Variants in ARFGEF3 observed in about 807,000 individuals in gnomAD.
ARFGEF3 encodes the protein ARFGEF family member 3.
ARFGEF3 carries 96 observed loss-of-function variants against 221.7 expected under a neutral mutation model. The ratio of observed to expected loss-of-function variants is 0.43; its 90% confidence interval spans 0.37 to 0.51. The LOEUF is 0.51. Among genes scored for constraint, ARFGEF3 ranks in the 20% least tolerant of loss-of-function variants. The pLI is 0.00. For missense variants in ARFGEF3, 2,410 were observed against 2,789.9 expected (o/e 0.86, Z 3.07); for synonymous variants, 1,145 against 1,126.8 (o/e 1.02, Z -0.32).
chr6:138,171,497 A>G (rs1487776165), intron 2 of ARFGEF3, among the ~76,000 whole-genome samples: 1 of 152,228 alleles, frequency 6.6e-6, no homozygotes, highest in Non-Finnish European at 1.5e-5. Context: ...CCACAGCCAC[A>G]TGTAGCAGCC....
Position 138,280,001 on chromosome 6 carries a change from G to A in ARFGEF3, c.2298G>A (p.Lys766=), listed in dbSNP as rs535192632. The A allele has an allele frequency of 3.1e-6, 5 of 1,613,764 alleles. No individual in the cohort carries two copies. In the East Asian group the frequency reaches 8.9e-5, roughly 29 times the overall value. Residue 766 remains lysine, a splice_region_variant and synonymous_variant, in exon 14 of 34, where the codon AAG becomes AAA. Transcript: ENST00000251691. ...CTTCTCATGCGATCTCTCTGTAGAA[G>A]GACTTCATGAAGCAGGTGCAGACCA... The part of the protein sequence containing the change: ...KRPTLAPGVM[K]DFMKQVQTSG...
Position 138,253,907 on chromosome 6 carries a change from C to A in ARFGEF3, c.693C>A (p.Tyr231Ter). 2.5e-6 allele frequency: 4 copies of A among 1,591,508 alleles called. No individual in the cohort carries two copies. The highest frequency in any genetic ancestry group is 3.4e-6 in the Non-Finnish European group (4 of 1,168,980). ...ACAGCCAGCAGCTGCAGCTTCTCTA[C>A]CTGGAGTGCATCCTGTCTGTGCTCA... The part of the protein sequence containing the change: ...INDSQQLQLL[Y>*]LECILSVLSS... The change falls in exon 9 of 34, where the codon TAC (tyrosine) becomes TAA (stop). Residue 231 changes from tyrosine (Y) to a stop codon, truncating the protein, a stop_gained. Coordinates refer to ENST00000251691, the MANE Select transcript of ARFGEF3 (RefSeq NM_020340.5). LOFTEE classifies it high-confidence loss of function.
intron 2 of ARFGEF3, among the ~76,000 whole-genome samples, chr6:138,183,957 C>G (rs963974955): frequency 6.6e-6 from 1 of 152,198 alleles, no homozygotes; most frequent in Non-Finnish European, 1.5e-5. Context: ...CCCTTTGTAT[C>G]TCCCCCATAT....
chr6:138,339,911 T>C lies in ARFGEF3; in HGVS notation c.*3425T>C, dbSNP rs932392075. 1.3e-5 allele frequency: 2 copies of C among 152,198 alleles called. No homozygotes were observed. The highest frequency in any genetic ancestry group is 2.9e-5 in the Non-Finnish European group (2 of 68,028). 9.4% of individuals were successfully genotyped at this position (152,198 alleles called of 1,614,324 possible). On this transcript the variant is annotated 3_prime_UTR_variant, in exon 34 of 34. Coordinates refer to ENST00000251691, the MANE Select transcript of ARFGEF3 (RefSeq NM_020340.5). ...ACTGACCGATAAGAACCCAGGCAGA[T>C]GCTAACATACTTAACAGCTCGCATT...
intron 4 of ARFGEF3, among the ~76,000 whole-genome samples, chr6:138,227,114 T>C (rs1778099996): frequency 1.3e-5 from 2 of 152,114 alleles, no homozygotes; most frequent in Non-Finnish European, 2.9e-5. Flanking sequence ...TGGAAAGCCT[T>C]CCTTCCAACA....
At chr6:138,257,979 G>T (rs1778717088) in intron 10 of ARFGEF3, among the ~76,000 whole-genome samples, 1 of 152,194 alleles carries the variant, frequency 6.6e-6, no homozygotes, top group Non-Finnish European at 1.5e-5. Flanking sequence ...AAAATAGCTG[G>T]TTCAATTCTA....
intron 12 of ARFGEF3, among the ~76,000 whole-genome samples, chr6:138,271,526 A>G (rs1779003266): frequency 6.6e-6 from 1 of 152,204 alleles, no homozygotes; most frequent in Non-Finnish European, 1.5e-5. Flanking sequence ...ACTCATAACA[A>G]CCCCATAAAG....
At chr6:138,241,569 C>T (rs1778393619) in intron 6 of ARFGEF3, among the ~76,000 whole-genome samples, 2 of 152,206 alleles carry the variant, frequency 1.3e-5, no homozygotes, top group Non-Finnish European at 2.9e-5. Context: ...GGTGTGTCAG[C>T]AGCTCACACT....
chr6:138,323,709 A>G lies in ARFGEF3; in HGVS notation c.4805A>G (p.Glu1602Gly). ...ACAGCGGGCCCTGTGTTCACTGAGG[A>G]GATGTGGAGGCTTGCCTGCTGTGCC... is the stretch of plus-strand genomic sequence containing the variant. ...LVTAGPVFTE[E>G]MWRLACCALQ... The change falls in exon 30 of 34, where the codon GAG becomes GGG. Residue 1602 changes from glutamate to glycine, a missense_variant. Physicochemically the swap from Glu to Gly is moderately conservative, Grantham distance 98. Coordinates refer to ENST00000251691, the MANE Select transcript of ARFGEF3 (RefSeq NM_020340.5). The G allele has an allele frequency of 6.2e-7, 1 of 1,613,732 alleles. No individual in the cohort carries two copies. Among genetic ancestry groups the G allele is most frequent in the Non-Finnish European group, 8.5e-7 (1 of 1,179,824 alleles).
In ARFGEF3 at chr6:138,255,835, A is replaced by G. The variant is rs1778667922; in HGVS notation, c.1104+66A>G. 6.0e-6 allele frequency: 8 copies of G among 1,326,450 alleles called. No individual in the cohort carries two copies. The South Asian group carries it at 9.2e-5, about 15-fold the overall frequency. 82.2% of individuals were successfully genotyped at this position (1,326,450 alleles called of 1,614,324 possible). On this transcript the variant is annotated intron_variant, in intron 10 of 33. Coordinates refer to ENST00000251691, the MANE Select transcript of ARFGEF3 (RefSeq NM_020340.5). ...GCCTGACCAGCGTTTCGCATACAAGAAGCGCTCAGAAAAGGCTTGCCAATC... is the reference window on the plus strand; with the variant it reads ...GCCTGACCAGCGTTTCGCATACAAGGAGCGCTCAGAAAAGGCTTGCCAATC...
At chr6:138,180,961 A>T (rs1211822725) in intron 2 of ARFGEF3, among the ~76,000 whole-genome samples, 2 of 152,202 alleles carry the variant, frequency 1.3e-5, no homozygotes, top group African/African-American at 4.8e-5. Flanking sequence ...GCCATAGAAG[A>T]CAAAGAATAT....
intron 22 of ARFGEF3, among the ~76,000 whole-genome samples, chr6:138,299,485 T>C (rs1315186949): frequency 2.0e-5 from 3 of 152,162 alleles, no homozygotes; most frequent in South Asian, 2.1e-4. Context: ...TTTCACACGA[T>C]GGTGGGCTAG....
At chr6:138,242,051 G>A (rs1778402394) in intron 6 of ARFGEF3, among the ~76,000 whole-genome samples, 1 of 152,220 alleles carries the variant, frequency 6.6e-6, no homozygotes, top group Non-Finnish European at 1.5e-5. Context: ...TGTAGATACT[G>A]ACATAACATT....
Position 138,162,012 on chromosome 6 carries a change from A to C in ARFGEF3, c.-75A>C. The C allele has an allele frequency of 2.8e-6, 3 of 1,082,868 alleles. No individual in the cohort carries two copies. The highest frequency in any genetic ancestry group is 3.8e-6 in the Non-Finnish European group (3 of 779,638). The allele number at this position is 1,082,868 out of a possible 1,614,324, so 67.1% of individuals were successfully genotyped here. A position where few individuals can be genotyped will look rare whatever the true frequency, so the allele number is the denominator to read the frequency against. On this transcript the variant is annotated 5_prime_UTR_variant, in exon 1 of 34. Transcript: ENST00000251691. This position sits in a 1 kb window ranked among gnomAD's most constrained non-coding sequence, Gnocchi z 4.7. ...GCCGCCTAGGCGCCCAGGGCCAGGC[A>C]GCGGCGGCTTCCCCGGCCCGGCTCG...
Position 138,207,025 on chromosome 6 carries a change from A to G in ARFGEF3, c.138-17A>G. ...TTTACTGAGCTCACATGTTGTCCTT[A>G]TTTTTGTGTTTGCCAGGGAGAAATG... On this transcript the variant is annotated splice_polypyrimidine_tract_variant and intron_variant, in intron 2 of 33. Coordinates refer to ENST00000251691, the MANE Select transcript of ARFGEF3 (RefSeq NM_020340.5). 1 of 1,597,350 alleles carries G rather than the reference A, an allele frequency of 6.3e-7. No individual in the cohort carries two copies. The highest frequency in any genetic ancestry group is 1.1e-5 in the South Asian group (1 of 87,774).
At chr6:138,278,386 C>A in intron 12 of ARFGEF3, 65 bp from the exon 13 acceptor site, 1 of 1,506,364 alleles carries the variant, frequency 6.6e-7, no homozygotes, top group South Asian at 1.2e-5. Context: ...TCGCAGCTCT[C>A]TGGAAGCCAG....
chr6:138,232,300 A>G (rs1046565640), intron 5 of ARFGEF3, among the ~76,000 whole-genome samples: 16 of 152,160 alleles, frequency 1.1e-4, no homozygotes, highest in Non-Finnish European at 2.1e-4. Context: ...TGAGGTTGAG[A>G]GTTCGAGACC....
intron 4 of ARFGEF3, among the ~76,000 whole-genome samples, chr6:138,220,431 C>A (rs754096879): frequency 5.9e-5 from 9 of 151,890 alleles, no homozygotes; most frequent in Non-Finnish European, 1.0e-4. Flanking sequence ...TTTTATTTTT[C>A]TATTATTTCC....
chr6:138,319,990 C>T (rs1779994228), intron 28 of ARFGEF3, 111 bp downstream of exon 28: 4 of 869,304 alleles, frequency 4.6e-6, no homozygotes, highest in Non-Finnish European at 7.2e-6. Context: ...GGGTTTTTGT[C>T]CTGGGAATTA....
Sources: allele counts gnomAD v4.1 joint callset (sites outside exome capture counted in the v4.1 genomes callset), GRCh38; gene constraint gnomAD v4.1.1; non-coding constraint Gnocchi (gnomAD v3.1); transcripts MANE v1.5; gene names NCBI Gene and HGNC (gene_info 2026-07-23, HGNC 2026-07-21).